The following VWA8 variants were observed in gnomAD, a reference collection of about 807,000 sequenced individuals.
The protein encoded by VWA8 is von Willebrand factor A domain-containing protein 8.
In VWA8, 221 loss-of-function variants were observed where a neutral mutation model predicts 241.5. The observed-to-expected ratio is 0.91, with a 90% CI of 0.82 to 1.02. VWA8 has a LOEUF of 1.02. VWA8 is among the 50% of genes least tolerant of loss of function. The probability of loss-of-function intolerance (pLI) is 0.00; values close to 1 mark genes in which losing one functional copy is unlikely to be tolerated. For missense variants in VWA8, 2,322 were observed against 2,328.7 expected (o/e 1.00, Z 0.06); for synonymous variants, 852 against 827.1 (o/e 1.03, Z -0.52).
intron 37 of VWA8, among the ~76,000 whole-genome samples, chr13:41,651,175 A>T (rs2044867402): frequency 6.6e-6 from 1 of 151,942 alleles, no homozygotes; most frequent in African/African-American, 2.4e-5. Context: ...CAAAAAAAAA[A>T]GCAATGGGGA....
At chr13:41,932,578 A>G (rs973543473) in intron 2 of VWA8, among the ~76,000 whole-genome samples, 6 of 152,044 alleles carry the variant, frequency 3.9e-5, no homozygotes, top group Non-Finnish European at 7.4e-5. Flanking sequence ...ACTGAGTCCA[A>G]TAATATATAA....
rs1378423403 is a variant in VWA8 at position 41,960,965 on chromosome 13, C to T, written c.51G>A (p.Pro17=). The T allele has an allele frequency of 9.7e-6, 14 of 1,441,182 alleles. No homozygotes were observed. Among genetic ancestry groups the T allele is most frequent in the Middle Eastern group, 2.4e-4 (1 of 4,106 alleles). The allele number at this position is 1,441,182 out of a possible 1,614,324, so 89.3% of individuals were successfully genotyped here. ...LLGAPGGHGG[P]ASRRMRLLLR... is the part of the protein sequence containing the mutation. ...GGAGCAGCCGCATGCGCCGCGAGGC[C>T]GGGCCGCCGTGGCCTCCGGGTGCCC... is the stretch of plus-strand genomic sequence containing the variant. Residue 17 remains proline, a synonymous_variant, in exon 1 of 45, where the codon CCG becomes CCA. Coordinates refer to ENST00000379310, the MANE Select transcript of VWA8 (RefSeq NM_015058.2).
At chr13:41,908,494 C>G (rs970220974) in intron 3 of VWA8, among the ~76,000 whole-genome samples, 6 of 151,330 alleles carry the variant, frequency 4.0e-5, no homozygotes, top group African/African-American at 1.5e-4. Context: ...ACAAACAAAC[C>G]CAATAATCAG....
chr13:41,883,637 T>C (rs965291080), intron 8 of VWA8, 146 bp from the exon 9 acceptor site: 1 of 588,712 alleles, frequency 1.7e-6, no homozygotes, highest in East Asian at 3.0e-5. Context: ...AAAGCAAATA[T>C]TCATTATTTT....
intron 43 of VWA8, among the ~76,000 whole-genome samples, chr13:41,571,135 C>A (rs561185241): frequency 2.1e-4 from 32 of 152,148 alleles, no homozygotes; most frequent in Non-Finnish European, 4.1e-4. Context: ...AGGAAAGTGA[C>A]TTAAAATTGT....
intron 37 of VWA8, among the ~76,000 whole-genome samples, chr13:41,619,382 G>A (rs942271288): frequency 1.3e-5 from 2 of 152,134 alleles, no homozygotes; most frequent in Non-Finnish European, 2.9e-5. Context: ...GAGACAATGG[G>A]GTTTTCTAAA....
At chr13:41,665,070 C>G (rs1423281364) in intron 37 of VWA8, among the ~76,000 whole-genome samples, 1 of 152,046 alleles carries the variant, frequency 6.6e-6, no homozygotes, top group Non-Finnish European at 1.5e-5. Context: ...GGATTATAAA[C>G]AAAGCTTACA....
intron 17 of VWA8, among the ~76,000 whole-genome samples, chr13:41,797,026 A>ATTTTTTTC (rs1555336849): frequency 1.3e-5 from 2 of 151,492 alleles, no homozygotes; most frequent in Non-Finnish European, 2.9e-5. Flanking sequence ...TGAAAAACCG[A>ATTTTTTTC]TTTTTTTCTT....
intron 37 of VWA8, among the ~76,000 whole-genome samples, chr13:41,668,214 C>G (rs1018837854): frequency 3.3e-5 from 5 of 152,106 alleles, no homozygotes; most frequent in Admixed American, 1.3e-4. Context: ...GGTTATTTGC[C>G]CAGCCCTCAC....
At chr13:41,852,121 C>A (rs575894645) in intron 12 of VWA8, among the ~76,000 whole-genome samples, 1 of 152,198 alleles carries the variant, frequency 6.6e-6, no homozygotes, top group Non-Finnish European at 1.5e-5. Flanking sequence ...ATTAGCCACT[C>A]TAACAGGTGT....
chr13:41,937,874 A>G (rs967035783), intron 2 of VWA8, among the ~76,000 whole-genome samples: 3 of 152,204 alleles, frequency 2.0e-5, no homozygotes, highest in Non-Finnish European at 4.4e-5. Context: ...AAAGTAATAA[A>G]ATGCAGCCAG....
intron 1 of VWA8, 126 bp from the exon 2 acceptor site, chr13:41,950,139 A>G (rs1878057858): frequency 3.8e-6 from 2 of 525,518 alleles, no homozygotes; most frequent in Non-Finnish European, 6.7e-6. Flanking sequence ...AGCTGTCTAT[A>G]AGTCAAGCAC....
At chr13:41,625,027 C>T (rs1036033672) in intron 37 of VWA8, among the ~76,000 whole-genome samples, 8 of 152,236 alleles carry the variant, frequency 5.3e-5, no homozygotes, top group East Asian at 1.9e-4. Context: ...ACATCAATAA[C>T]GTCCAAGCTG....
intron 36 of VWA8, among the ~76,000 whole-genome samples, chr13:41,671,869 T>C (rs1326086867): frequency 1.3e-5 from 2 of 152,190 alleles, no homozygotes; most frequent in African/African-American, 2.4e-5. Flanking sequence ...TATTTGTCAC[T>C]TAAGCTACCC....
At chr13:41,891,821 C>T (rs896982384) in intron 4 of VWA8, among the ~76,000 whole-genome samples, 11 of 152,162 alleles carry the variant, frequency 7.2e-5, no homozygotes, top group Non-Finnish European at 1.0e-4. Context: ...AAAAGAGGAT[C>T]GCTGAAGTTC....
Position 41,784,727 on chromosome 13 carries a change from T to TACAC in VWA8, c.2171-827_2171-826insGTGT, listed in dbSNP as rs1343770491. On this transcript the variant is annotated intron_variant, in intron 18 of 44. Transcript: ENST00000379310. ...ATATATATATATATATATATATATA[T>TACAC]ATACACACACATATATATATATATA... Among the ~76,000 whole-genome samples, 256 of 69,018 alleles carry TACAC rather than the reference T, an allele frequency of 3.7e-3. 12 individuals are homozygous for TACAC. The Middle Eastern group carries it at 0.086, about 23-fold the overall frequency. The allele number at this position is 69,018 out of a possible 152,430, so 45.3% of individuals were successfully genotyped here. A position where few individuals can be genotyped will look rare whatever the true frequency, so the allele number is the denominator to read the frequency against.
chr13:41,732,042 AATACAC>A (rs777343631), intron 22 of VWA8, 32 bp downstream of exon 22: 1 of 1,573,322 alleles, frequency 6.4e-7, no homozygotes, highest in Non-Finnish European at 8.7e-7. Flanking sequence ...ATGATACAAA[AATACAC>A]TTGAAAATAT....
intron 4 of VWA8, 86 bp downstream of exon 4, chr13:41,907,500 T>C (rs1262240196): frequency 8.7e-7 from 1 of 1,155,604 alleles, no homozygotes; most frequent in African/African-American, 1.5e-5. Flanking sequence ...TTTACTGTTA[T>C]ATGAGCTACT....
intron 8 of VWA8, 33 bp from the exon 9 acceptor site, chr13:41,883,524 A>G (rs760100410): frequency 1.4e-6 from 2 of 1,480,234 alleles, no homozygotes; most frequent in Non-Finnish European, 1.9e-6. Flanking sequence ...AGGAATGAGC[A>G]AAATTCAAAA....
Sources: allele counts gnomAD v4.1 joint callset (sites outside exome capture counted in the v4.1 genomes callset), GRCh38; gene constraint gnomAD v4.1.1; transcripts MANE v1.5; gene names NCBI Gene and HGNC (gene_info 2026-07-23, HGNC 2026-07-21).